The following TNFSF4 variants were observed in gnomAD, a reference collection of about 807,000 sequenced individuals.
The protein encoded by TNFSF4 is tumor necrosis factor ligand superfamily member 4.
Under a neutral mutation model 7.3 loss-of-function variants are expected in TNFSF4, and 4 were observed. That is an observed-to-expected ratio of 0.55 (90% CI 0.27 to 1.25). The LOEUF is 1.25. Among genes scored for constraint, TNFSF4 ranks in the 50% most tolerant of loss-of-function variants. The probability of loss-of-function intolerance (pLI) is 0.12; values close to 1 mark genes in which losing one functional copy is unlikely to be tolerated. For synonymous variants in TNFSF4, 76 were observed against 83.7 expected (o/e 0.91, Z 0.50); for missense variants, 181 against 208.8 (o/e 0.87, Z 0.82).
chr1:173,198,091 A>G (rs1206849741), intron 1 of TNFSF4, among the ~76,000 whole-genome samples: 1 of 152,244 alleles, frequency 6.6e-6, no homozygotes, highest in Non-Finnish European at 1.5e-5. Flanking sequence ...GAATTACTGC[A>G]GTCAGTCTCT....
chr1:173,293,579 C>T, the TNFSF4 span, among the ~76,000 whole-genome samples: 1 of 151,990 alleles, frequency 6.6e-6, no homozygotes, highest in African/African-American at 2.4e-5. Context: ...ATGACTAAGT[C>T]CCCAAAAGCA....
At chr1:173,338,103 G>A in the TNFSF4 span, among the ~76,000 whole-genome samples, 15,281 of 152,146 alleles carry the variant, frequency 0.1, 909 homozygotes, top group Middle Eastern at 0.16. Flanking sequence ...GACAACCACT[G>A]CCGACTTCAC....
At chr1:173,274,275 C>T in the TNFSF4 span, among the ~76,000 whole-genome samples, 1 of 152,212 alleles carries the variant, frequency 6.6e-6, no homozygotes, top group East Asian at 1.9e-4. Context: ...AAGTTATTTA[C>T]AATAAGAATG....
chr1:173,322,474 G>T, the TNFSF4 span, among the ~76,000 whole-genome samples: 4 of 152,102 alleles, frequency 2.6e-5, no homozygotes, highest in East Asian at 7.7e-4. Flanking sequence ...TACAGAAGAC[G>T]GTGATTTCTG....
At chr1:173,440,280 GT>G in the TNFSF4 span, among the ~76,000 whole-genome samples, 1 of 151,974 alleles carries the variant, frequency 6.6e-6, no homozygotes, top group Admixed American at 6.6e-5. Flanking sequence ...GTTAATATGG[GT>G]TTCACTTTTT....
upstream of TNFSF4, among the ~76,000 whole-genome samples, chr1:173,211,809 G>C (rs1370258876): frequency 6.6e-6 from 1 of 152,166 alleles, no homozygotes; most frequent in Non-Finnish European, 1.5e-5. Flanking sequence ...GGCTCCCAAA[G>C]CCTAGTTTAT....
the TNFSF4 span, among the ~76,000 whole-genome samples, chr1:173,229,596 T>C: frequency 6.6e-6 from 1 of 152,152 alleles, no homozygotes; most frequent in African/African-American, 2.4e-5. Flanking sequence ...TAACCTTAAA[T>C]GTAAATGGGC....
At chr1:173,344,858 A>G in the TNFSF4 span, among the ~76,000 whole-genome samples, 3 of 152,234 alleles carry the variant, frequency 2.0e-5, no homozygotes, top group Admixed American at 2.0e-4. Flanking sequence ...AGGACTCTAC[A>G]ATCACTGAAG....
chr1:173,376,780 A>C, the TNFSF4 span, among the ~76,000 whole-genome samples: 95,935 of 151,988 alleles, frequency 0.63, 30,454 homozygotes, highest in Admixed American at 0.69. Flanking sequence ...CACACTGTGG[A>C]AGCTTTGTTC....
the TNFSF4 span, among the ~76,000 whole-genome samples, chr1:173,391,618 CCT>C: frequency 6.6e-6 from 1 of 152,040 alleles, no homozygotes; most frequent in Admixed American, 6.6e-5. Flanking sequence ...CCTCCCACCC[CCT>C]GAGAAAGTCA....
the TNFSF4 span, among the ~76,000 whole-genome samples, chr1:173,344,713 T>G: frequency 6.6e-6 from 1 of 152,138 alleles, no homozygotes; most frequent in African/African-American, 2.4e-5. Context: ...AGAAAACACC[T>G]CCAACTTTAA....
the TNFSF4 span, among the ~76,000 whole-genome samples, chr1:173,433,697 C>T: frequency 0.015 from 2,338 of 151,904 alleles, 70 homozygotes; most frequent in African/African-American, 0.053. Flanking sequence ...AGTGAGACTT[C>T]GTCTCAAAAA....
chr1:173,352,489 T>C, the TNFSF4 span, among the ~76,000 whole-genome samples: 1 of 152,126 alleles, frequency 6.6e-6, no homozygotes, highest in Non-Finnish European at 1.5e-5. Flanking sequence ...TGTCGGCAGG[T>C]TCCATGATGC....
At chr1:173,320,595 A>G in the TNFSF4 span, among the ~76,000 whole-genome samples, 2 of 152,304 alleles carry the variant, frequency 1.3e-5, no homozygotes, top group Admixed American at 1.3e-4. Context: ...TCTTAGCCCA[A>G]AAACTCCTTA....
chr1:173,286,862 G>T, the TNFSF4 span, among the ~76,000 whole-genome samples: 1 of 151,832 alleles, frequency 6.6e-6, no homozygotes, highest in Non-Finnish European at 1.5e-5. Context: ...TTATTATTTA[G>T]AATATATCTT....
chr1:173,360,904 C>A, the TNFSF4 span, among the ~76,000 whole-genome samples: 2 of 152,158 alleles, frequency 1.3e-5, no homozygotes, highest in African/African-American at 4.8e-5. Flanking sequence ...GCAAAGGGGG[C>A]ATTTCACACG....
the TNFSF4 span, chr1:173,363,523 A>G: frequency 2.2e-6 from 1 of 460,432 alleles, no homozygotes; most frequent in Non-Finnish European, 4.3e-6. Flanking sequence ...CTTACCTTTA[A>G]GATTCTTAAG....
the TNFSF4 span, among the ~76,000 whole-genome samples, chr1:173,340,638 G>T: frequency 6.6e-6 from 1 of 152,038 alleles, no homozygotes; most frequent in Admixed American, 6.6e-5. Context: ...TATTCTTCAG[G>T]TAACAAACAA....
the TNFSF4 span, among the ~76,000 whole-genome samples, chr1:173,256,270 C>T: frequency 6.6e-6 from 1 of 152,082 alleles, no homozygotes; most frequent in African/African-American, 2.4e-5. Flanking sequence ...ATTTAAACAA[C>T]AGAAATTTAT....
Sources: gnomAD v4.1 joint callset for allele counts (sites outside exome capture counted in the v4.1 genomes callset) on GRCh38, gnomAD v4.1.1 for gene constraint, MANE v1.5 for transcripts, NCBI Gene and HGNC (gene_info 2026-07-23, HGNC 2026-07-21) for gene names.